The following CR1 variants were observed in gnomAD, a reference collection of about 807,000 sequenced individuals.
CR1 encodes the protein complement C3b/C4b receptor 1 (Knops blood group), also known as complement receptor type 1.
A neutral mutation model predicts 187.3 loss-of-function variants in CR1; 116 were observed. That is an observed-to-expected ratio of 0.62 (90% CI 0.53 to 0.72). The LOEUF (loss-of-function observed/expected upper bound fraction) is 0.72, where lower values mean the gene tolerates loss of function less well. Ranked by LOEUF, CR1 falls within the 30% of genes least tolerant of loss-of-function variation. CR1 has a pLI of 0.00. For synonymous variants in CR1, 576 were observed against 747.1 expected (o/e 0.77, Z 3.73); for missense variants, 1,731 against 2,110.7 (o/e 0.82, Z 3.52).
intron 28 of CR1, 99 bp downstream of exon 28, chr1:207,575,779 A>G (rs1490880759): frequency 1.9e-6 from 3 of 1,564,612 alleles, no homozygotes; most frequent in East Asian, 2.2e-5. Flanking sequence ...TGGAAATGGT[A>G]TCCTTCTGAT....
chr1:207,506,607 A>G (rs1659440318), intron 2 of CR1, 107 bp from the exon 3 acceptor site: 1 of 884,626 alleles, frequency 1.1e-6, no homozygotes, highest in African/African-American at 1.7e-5. Flanking sequence ...GAACCATCAG[A>G]ACTGCGTGTG....
chr1:207,587,321 A>G, intron 33 of CR1, 65 bp from the exon 34 acceptor site: 1 of 1,381,490 alleles, frequency 7.2e-7, no homozygotes, highest in Non-Finnish European at 9.9e-7. Flanking sequence ...TTAATTGAAG[A>G]GAAAGAGGAG....
intron 46 of CR1, among the ~76,000 whole-genome samples, chr1:207,635,043 T>C (rs55796813): frequency 6.6e-6 from 1 of 152,184 alleles, no homozygotes; most frequent in African/African-American, 2.4e-5. Context: ...ATACTTTCTA[T>C]GTCCTACATA....
chr1:207,574,572 A>C (rs1461349338), intron 27 of CR1, among the ~76,000 whole-genome samples: 2 of 152,192 alleles, frequency 1.3e-5, no homozygotes, highest in Non-Finnish European at 2.9e-5. Context: ...ACAACAATAA[A>C]AAAATACACA....
chr1:207,614,411 T>C lies in CR1; in HGVS notation c.6583T>C (p.Leu2195=), dbSNP rs1662033178. The change falls in exon 40 of 47, where the codon TTA becomes CTA. Residue 2195 remains leucine, a synonymous_variant. Coordinates refer to ENST00000367049, the MANE Select transcript of CR1 (RefSeq NM_000651.6). ...VSFVCDEGFR[L]KGRSASHCVL... is the part of the protein sequence containing the mutation. Reference sequence around the variant, plus strand: ...CACTTTTTTTTTCTTTAGGTTCCGATTAAAAGGCAGGTCTGCTAGTCATTG... The same window carrying C: ...CACTTTTTTTTTCTTTAGGTTCCGACTAAAAGGCAGGTCTGCTAGTCATTG... 1.2e-6 allele frequency: 2 copies of C among 1,609,912 alleles called. No homozygotes were observed. The highest frequency in any genetic ancestry group is 2.7e-5 in the African/African-American group (2 of 74,788).
chr1:207,584,096 T>C (rs1461203236), intron 32 of CR1, among the ~76,000 whole-genome samples: 1 of 152,206 alleles, frequency 6.6e-6, no homozygotes, highest in African/African-American at 2.4e-5. Context: ...CATAGCATTT[T>C]TTTTTCATTG....
Position 207,506,733 on chromosome 1 carries a change from T to A in CR1, c.321T>A (p.Pro107=). The A allele has an allele frequency of 6.2e-7, 1 of 1,613,674 alleles. No individual in the cohort carries two copies. Among genetic ancestry groups the A allele is most frequent in the Non-Finnish European group, 8.5e-7 (1 of 1,179,670 alleles). The change falls in exon 3 of 47, where the codon CCT becomes CCA. Residue 107 remains proline (P), a synonymous_variant. Transcript: ENST00000367049. Reference sequence around the variant, plus strand: ...CTGTAGGTAAATCATGTCGTAATCCTCCAGATCCTGTGAATGGCATGGTGC... The same window carrying A: ...CTGTAGGTAAATCATGTCGTAATCCACCAGATCCTGTGAATGGCATGGTGC... ...DRCRRKSCRN[P]PDPVNGMVHV...
chr1:207,584,605 T>C (rs1358996788), intron 32 of CR1, 44 bp from the exon 33 acceptor site: 1 of 1,598,508 alleles, frequency 6.3e-7, no homozygotes, highest in East Asian at 2.2e-5. Flanking sequence ...TGGATTATAC[T>C]TTAAAATTTT....
chr1:207,509,942 T>A (rs1422873989), intron 3 of CR1, among the ~76,000 whole-genome samples: 1 of 152,188 alleles, frequency 6.6e-6, no homozygotes, highest in African/African-American at 2.4e-5. Flanking sequence ...AGGCCGGGTG[T>A]GCTGGCTGTA....
intron 42 of CR1, among the ~76,000 whole-genome samples, chr1:207,619,389 A>AAAAAG (rs1190579038): frequency 6.6e-6 from 1 of 151,622 alleles, no homozygotes; most frequent in East Asian, 1.9e-4. Flanking sequence ...AAAAAAAAAA[A>AAAAAG]AAAAAGAAAA....
intron 27 of CR1, 31 bp from the exon 28 acceptor site, chr1:207,575,564 A>C (rs1410219199): frequency 6.2e-7 from 1 of 1,611,676 alleles, no homozygotes; most frequent in African/African-American, 1.3e-5. Flanking sequence ...AGGTATGTAC[A>C]GGACAATGAT....
At chr1:207,598,630 G>C (rs971265194) in intron 35 of CR1, among the ~76,000 whole-genome samples, 3 of 152,166 alleles carry the variant, frequency 2.0e-5, no homozygotes, top group Non-Finnish European at 2.9e-5. Context: ...ATGTTGGCCA[G>C]GATGGTCTTG....
At chr1:207,519,709 C>G (rs959170568) in intron 4 of CR1, among the ~76,000 whole-genome samples, 6 of 152,132 alleles carry the variant, frequency 3.9e-5, no homozygotes, top group Non-Finnish European at 7.4e-5. Context: ...GGCAGCCTCC[C>G]GAGCCAAAGT....
chr1:207,577,292 A>G (rs1401278601), intron 28 of CR1, among the ~76,000 whole-genome samples: 3 of 152,052 alleles, frequency 2.0e-5, no homozygotes, highest in South Asian at 4.2e-4. Context: ...GACTCTAATA[A>G]TACATGGATA....
intron 28 of CR1, among the ~76,000 whole-genome samples, chr1:207,577,276 CACA>C (rs1660780888): frequency 1.4e-5 from 2 of 140,858 alleles, no homozygotes; most frequent in South Asian, 4.9e-4. Context: ...AAAAAAAAAA[CACA>C]TGGACTCTAA....
intron 4 of CR1, among the ~76,000 whole-genome samples, chr1:207,517,474 G>C (rs2102297930): frequency 6.6e-6 from 1 of 152,110 alleles, no homozygotes; most frequent in South Asian, 2.1e-4. Flanking sequence ...GTTATAATTT[G>C]CTTTTATTTT....
intron 46 of CR1, among the ~76,000 whole-genome samples, chr1:207,634,770 G>A (rs1485867078): frequency 6.6e-5 from 10 of 152,150 alleles, no homozygotes; most frequent in Non-Finnish European, 1.0e-4. Flanking sequence ...ACTGTAAGTA[G>A]AAGAGGAGGA....
chr1:207,524,917 G>A (rs1660121085), intron 5 of CR1, among the ~76,000 whole-genome samples: 1 of 151,972 alleles, frequency 6.6e-6, no homozygotes, highest in Admixed American at 6.5e-5. Flanking sequence ...ACTTGAGCCT[G>A]GGTAATTTAT....
intron 41 of CR1, among the ~76,000 whole-genome samples, chr1:207,617,828 G>T (rs1662194366): frequency 6.6e-6 from 1 of 151,370 alleles, no homozygotes; most frequent in African/African-American, 2.4e-5. Flanking sequence ...GATCCCTGTG[G>T]TACTCCCCCA....
Sources: allele counts gnomAD v4.1 joint callset (sites outside exome capture counted in the v4.1 genomes callset), GRCh38; gene constraint gnomAD v4.1.1; transcripts MANE v1.5; gene names NCBI Gene and HGNC (gene_info 2026-07-23, HGNC 2026-07-21).